The following DDR2 variants were observed in gnomAD, a reference collection of about 807,000 sequenced individuals.
DDR2 encodes discoidin domain-containing receptor 2.
In DDR2, 27 loss-of-function variants were observed where a neutral mutation model predicts 94.9. The ratio of observed to expected loss-of-function variants is 0.28; its 90% CI spans 0.21 to 0.39. DDR2 has a LOEUF of 0.39. Ranked by LOEUF, DDR2 falls within the 10% of genes least tolerant of loss-of-function variation. The pLI, the probability that DDR2 is intolerant of heterozygous loss-of-function variation, is 1.00. For synonymous variants in DDR2, 382 were observed against 377.2 expected (o/e 1.01, Z -0.15); for missense variants, 783 against 1,076.0 (o/e 0.73, Z 3.81).
At chr1:162,769,316 T>A (rs1664151560) in intron 11 of DDR2, among the ~76,000 whole-genome samples, 1 of 152,202 alleles carries the variant, frequency 6.6e-6, no homozygotes, top group Non-Finnish European at 1.5e-5. Context: ...GGGAACAAAA[T>A]TTTATGTGGA....
At position 162,780,396 on chromosome 1, in the gene DDR2, C is replaced by A; in HGVS notation, c.*150C>A. ...TGCCCTCTTTTCCTGGTCACCCCCA[C>A]TCCCTACCCCTGACTCATATACACT... On this transcript the variant is annotated 3_prime_UTR_variant, in exon 18 of 18. Transcript: ENST00000367921. The A allele has an allele frequency of 8.8e-7, 1 of 1,141,206 alleles. No homozygotes were observed. The highest frequency in any genetic ancestry group is 1.3e-5 in the South Asian group (1 of 74,954). 70.7% of individuals were successfully genotyped at this position (1,141,206 alleles called of 1,614,324 possible).
chr1:162,760,358 T>TTGTGTG (rs113653768), intron 8 of DDR2, among the ~76,000 whole-genome samples: 4,194 of 143,006 alleles, frequency 0.029, 210 homozygotes, highest in African/African-American at 0.1. Context: ...ACCAGCACAG[T>TTGTGTG]TGTGTGTGTG....
intron 2 of DDR2, among the ~76,000 whole-genome samples, chr1:162,658,774 C>T (rs1238477397): frequency 6.7e-6 from 1 of 149,232 alleles, no homozygotes; most frequent in South Asian, 2.1e-4. Context: ...GCATGGTAAG[C>T]CCTGTTCACA....
chr1:162,777,077 T>C (rs1052368569), intron 16 of DDR2, among the ~76,000 whole-genome samples: 3 of 152,190 alleles, frequency 2.0e-5, no homozygotes, highest in Admixed American at 6.5e-5. Flanking sequence ...TGTTCATTTA[T>C]GATTAATCTG....
intron 3 of DDR2, among the ~76,000 whole-genome samples, chr1:162,751,473 C>A (rs1663190026): frequency 6.6e-6 from 1 of 152,226 alleles, no homozygotes; most frequent in South Asian, 2.1e-4. Context: ...GTTAGAATGG[C>A]AATCATTAAA....
At chr1:162,684,675 C>A (rs1659581562) in intron 2 of DDR2, among the ~76,000 whole-genome samples, 1 of 152,064 alleles carries the variant, frequency 6.6e-6, no homozygotes, top group Admixed American at 6.6e-5. Flanking sequence ...AATACTTGTG[C>A]TTGTGTGGGC....
chr1:162,652,360 T>C (rs959620408), intron 1 of DDR2, among the ~76,000 whole-genome samples: 1 of 152,206 alleles, frequency 6.6e-6, no homozygotes, highest in African/African-American at 2.4e-5. Flanking sequence ...TTGGTGCCCA[T>C]CTTCCTGGCC....
intron 1 of DDR2, among the ~76,000 whole-genome samples, chr1:162,636,474 G>A (rs1264045916): frequency 6.6e-6 from 1 of 152,148 alleles, no homozygotes; most frequent in Non-Finnish European, 1.5e-5. Context: ...ATCTGTGAGG[G>A]GCCCTTTGGA....
chr1:162,699,081 G>A (rs1044392382), intron 2 of DDR2, among the ~76,000 whole-genome samples: 5 of 152,156 alleles, frequency 3.3e-5, no homozygotes, highest in African/African-American at 9.7e-5. Flanking sequence ...CTCCCATGAC[G>A]GGAGATTCAG....
At chr1:162,683,593 C>T (rs993228303) in intron 2 of DDR2, among the ~76,000 whole-genome samples, 3 of 151,832 alleles carry the variant, frequency 2.0e-5, no homozygotes, top group African/African-American at 7.3e-5. Context: ...TTTAATCACT[C>T]AAAAATAATA....
chr1:162,649,433 G>A (rs1657573192), intron 1 of DDR2, among the ~76,000 whole-genome samples: 1 of 152,268 alleles, frequency 6.6e-6, no homozygotes, highest in South Asian at 2.1e-4. Flanking sequence ...TGGGATTTGG[G>A]TCCAGGCTTT....
chr1:162,676,326 T>C (rs2101947601), intron 2 of DDR2, among the ~76,000 whole-genome samples: 1 of 152,286 alleles, frequency 6.6e-6, no homozygotes, highest in South Asian at 2.1e-4. Flanking sequence ...ACCAAGTGAA[T>C]TAATTTCTCC....
At position 162,741,252 on chromosome 1, in the gene DDR2, T is replaced by TATAATATA. The variant is rs57099786; in HGVS notation, c.83-11843_83-11842insATAATATA. ...TATAATATAATATAATATAGTATAATGTAATGTAATGTAATATAATATAAT... is the reference window on the plus strand; with the variant it reads ...TATAATATAATATAATATAGTATAATATAATATAGTAATGTAATGTAATATAATATAAT... On this transcript the variant is annotated intron_variant, in intron 3 of 17. Transcript: ENST00000367921. 5.9e-3 allele frequency among the ~76,000 whole-genome samples: 563 copies of TATAATATA among 96,118 alleles called. 3 individuals carry two copies. The highest frequency in any genetic ancestry group is 0.014 in the East Asian group (41 of 2,846). The allele number at this position is 96,118 out of a possible 152,430, so 63.1% of individuals were successfully genotyped here. A position where few individuals can be genotyped will look rare whatever the true frequency, so the allele number is the denominator to read the frequency against.
chr1:162,715,897 C>A (rs912499165), intron 2 of DDR2, among the ~76,000 whole-genome samples: 2 of 152,130 alleles, frequency 1.3e-5, no homozygotes, highest in Non-Finnish European at 2.9e-5. Context: ...ATAATTATTG[C>A]TTTTGGAGAT....
chr1:162,707,180 G>C lies in DDR2; in HGVS notation c.-27-11857G>C, dbSNP rs79588065. Among the ~76,000 whole-genome samples the C allele has an allele frequency of 4.4e-3, 671 of 152,206 alleles. 3 individuals carry two copies. The highest frequency in any genetic ancestry group is 5.7e-3 in the Non-Finnish European group (390 of 67,998). ...GTATGTCCCTGGGCCAATCTGCTTTGTTCTACCATGCCTAACATCAGAAAA... is the reference window on the plus strand; with the variant it reads ...GTATGTCCCTGGGCCAATCTGCTTTCTTCTACCATGCCTAACATCAGAAAA... On this transcript the variant is annotated intron_variant, in intron 2 of 17. Transcript: ENST00000367921.
intron 2 of DDR2, among the ~76,000 whole-genome samples, chr1:162,691,539 A>G (rs1447287435): frequency 6.6e-6 from 1 of 152,232 alleles, no homozygotes; most frequent in African/African-American, 2.4e-5. Context: ...ACAAACATTG[A>G]TGCAAACGCT....
intron 2 of DDR2, among the ~76,000 whole-genome samples, chr1:162,670,375 G>C (rs1434682736): frequency 1.3e-5 from 2 of 152,196 alleles, no homozygotes; most frequent in African/African-American, 4.8e-5. Context: ...CAAGGTACTG[G>C]GATTACAGGC....
At chr1:162,765,719 A>G (rs950171960) in intron 9 of DDR2, among the ~76,000 whole-genome samples, 6 of 149,758 alleles carry the variant, frequency 4.0e-5, no homozygotes, top group Non-Finnish European at 5.9e-5. Context: ...CTTTATGACA[A>G]TGTGTGGTAC....
At chr1:162,755,619 T>G (rs758962105) in intron 6 of DDR2, 45 bp from the exon 7 acceptor site, 1 of 1,548,534 alleles carries the variant, frequency 6.5e-7, no homozygotes, top group Non-Finnish European at 8.9e-7. Context: ...CCTGAGGTAA[T>G]GGGCCTGAGC....
Sources: gnomAD v4.1 joint callset for allele counts (sites outside exome capture counted in the v4.1 genomes callset) on GRCh38, gnomAD v4.1.1 for gene constraint, MANE v1.5 for transcripts, NCBI Gene and HGNC (gene_info 2026-07-23, HGNC 2026-07-21) for gene names.